Variants in NME7 observed in about 807,000 individuals in gnomAD.
NME7 encodes the protein NME/NM23 family member 7.
Under a neutral mutation model 49.1 loss-of-function variants are expected in NME7, and 41 were observed. The observed-to-expected ratio is 0.83, with a 90% CI of 0.65 to 1.08. The LOEUF is 1.08. Ranked by LOEUF, NME7 falls within the 50% of genes least tolerant of loss-of-function variation. NME7 has a pLI of 0.00. For missense variants in NME7, 423 were observed against 463.4 expected (o/e 0.91, Z 0.80); for synonymous variants, 139 against 150.6 (o/e 0.92, Z 0.56).
intron 10 of NME7, among the ~76,000 whole-genome samples, chr1:169,182,305 T>G (rs575934697): frequency 1.3e-5 from 2 of 152,148 alleles, no homozygotes; most frequent in African/African-American, 4.8e-5. Context: ...TGAGCTATAA[T>G]GTGCCTGGCC....
At chr1:169,213,541 T>C (rs76254504) in intron 10 of NME7, among the ~76,000 whole-genome samples, 60 of 152,144 alleles carry the variant, frequency 3.9e-4, no homozygotes, top group African/African-American at 1.4e-3. Flanking sequence ...TGAACATATA[T>C]GAAATAGGCA....
rs549847310 is a variant in NME7 at position 169,266,675 on chromosome 1, T to C, written c.754+20628A>G. The stretch of plus-strand genomic sequence containing the variant: ...AAGTCAACCTATCCCTGTTTGAAGA[T>C]GACATGATTCTATATCTAAAAAACC... On this transcript the variant is annotated intron_variant, in intron 7 of 11. Coordinates refer to ENST00000367811, the MANE Select transcript of NME7 (RefSeq NM_013330.5). Among the ~76,000 whole-genome samples the C allele has an allele frequency of 1.1e-3, 143 of 133,682 alleles. 11 individuals carry two copies. The highest frequency in any genetic ancestry group is 3.5e-3 in the African/African-American group (140 of 39,554). The allele number at this position is 133,682 out of a possible 152,430, so 87.7% of individuals were successfully genotyped here.
intron 7 of NME7, among the ~76,000 whole-genome samples, chr1:169,243,595 A>G (rs1477103627): frequency 1.5e-4 from 23 of 152,218 alleles, no homozygotes; most frequent in Non-Finnish European, 1.5e-5. Context: ...GAATGGCATT[A>G]GTGCCCTTAT....
chr1:169,259,272 A>G (rs1649086620), intron 7 of NME7, among the ~76,000 whole-genome samples: 1 of 132,766 alleles, frequency 7.5e-6, no homozygotes, highest in African/African-American at 2.5e-5. Context: ...TAGGGGAGAC[A>G]CCTACCTGAC....
intron 11 of NME7, among the ~76,000 whole-genome samples, chr1:169,158,016 T>C (rs1240510119): frequency 6.6e-6 from 1 of 152,244 alleles, no homozygotes; most frequent in Non-Finnish European, 1.5e-5. Context: ...CTGTTTACTA[T>C]GTTGATAGGT....
chr1:169,170,206 C>A, intron 10 of NME7, among the ~76,000 whole-genome samples: 2 of 151,922 alleles, frequency 1.3e-5, no homozygotes, highest in East Asian at 1.9e-4. Context: ...GGAGAGGGGG[C>A]TATAGTGATT....
chr1:169,293,786 T>C (rs945923631), intron 6 of NME7, among the ~76,000 whole-genome samples: 4 of 152,162 alleles, frequency 2.6e-5, no homozygotes, highest in African/African-American at 9.7e-5. Flanking sequence ...ACTGATATCT[T>C]CAGGATACTG....
chr1:169,318,075 C>G (rs761615225), intron 3 of NME7, among the ~76,000 whole-genome samples: 8 of 152,164 alleles, frequency 5.3e-5, no homozygotes, highest in Admixed American at 3.3e-4. Context: ...TGCTCTCTCT[C>G]CTGTGCTCCA....
rs1484017177 is a variant in NME7 at position 169,159,236 on chromosome 1, T to A, written c.1098+10211A>T. ...ATGCCTGGAAAAAAGAAGTGATAAC[T>A]CGAGTTCTGACAACCATTCTGTGGC... On this transcript the variant is annotated intron_variant, in intron 11 of 11. Transcript: ENST00000367811. 2.0e-5 allele frequency among the ~76,000 whole-genome samples: 3 copies of A among 152,014 alleles called. 1 individual carries two copies. Among genetic ancestry groups the A allele is most frequent in the Non-Finnish European group, 4.4e-5 (3 of 68,010 alleles).
intron 11 of NME7, among the ~76,000 whole-genome samples, chr1:169,138,585 G>A (rs944928672): frequency 6.6e-6 from 1 of 151,826 alleles, no homozygotes; most frequent in Non-Finnish European, 1.5e-5. Context: ...TGGGTGTGGT[G>A]GTGCACACCT....
intron 3 of NME7, among the ~76,000 whole-genome samples, chr1:169,313,270 G>T (rs1415536410): frequency 1.3e-5 from 2 of 149,594 alleles, no homozygotes; most frequent in Admixed American, 1.3e-4. Flanking sequence ...TGACTTGACA[G>T]CATTGCCTAT....
intron 10 of NME7, among the ~76,000 whole-genome samples, chr1:169,216,275 T>A (rs1193417145): frequency 1.3e-5 from 2 of 152,230 alleles, no homozygotes; most frequent in African/African-American, 4.8e-5. Flanking sequence ...GAAGGGACTT[T>A]CAGCTCTACT....
At chr1:169,205,929 T>C (rs748683723) in intron 10 of NME7, among the ~76,000 whole-genome samples, 3 of 152,146 alleles carry the variant, frequency 2.0e-5, no homozygotes, top group African/African-American at 4.8e-5. Context: ...TCTTCCAATA[T>C]ACTAAGCATA....
intron 1 of NME7, among the ~76,000 whole-genome samples, chr1:169,350,985 T>C (rs772306522): frequency 7.9e-5 from 12 of 151,852 alleles, no homozygotes; most frequent in Non-Finnish European, 1.5e-4. Context: ...TTTTTCTTTC[T>C]TTTTTTTCTT....
intron 11 of NME7, among the ~76,000 whole-genome samples, chr1:169,135,161 G>A (rs1022283676): frequency 4.6e-5 from 7 of 151,610 alleles, no homozygotes; most frequent in Non-Finnish European, 1.0e-4. Flanking sequence ...GCAACAGAGT[G>A]AGACCCTGTC....
chr1:169,358,212 T>C (rs1557839024), intron 1 of NME7, among the ~76,000 whole-genome samples: 2 of 151,812 alleles, frequency 1.3e-5, no homozygotes, highest in African/African-American at 4.8e-5. Context: ...GGCAGCAATC[T>C]GGTTAATATG....
chr1:169,139,385 G>T (rs1658526552), intron 11 of NME7, among the ~76,000 whole-genome samples: 3 of 152,274 alleles, frequency 2.0e-5, no homozygotes, highest in African/African-American at 7.2e-5. Flanking sequence ...TTTGCCTAAA[G>T]ACATATCACT....
chr1:169,222,625 G>A (rs182428724), intron 10 of NME7, among the ~76,000 whole-genome samples: 4 of 152,242 alleles, frequency 2.6e-5, no homozygotes, highest in Non-Finnish European at 5.9e-5. Context: ...GGAACCCCGG[G>A]CTGAGACCTC....
intron 2 of NME7, 72 bp downstream of exon 2, chr1:169,324,321 A>C (rs1358929395): frequency 2.8e-5 from 25 of 886,634 alleles, no homozygotes; most frequent in Non-Finnish European, 4.2e-5. Flanking sequence ...TTTAAAAAGC[A>C]ATTATATAAA....
Sources: allele counts gnomAD v4.1 joint callset (sites outside exome capture counted in the v4.1 genomes callset), GRCh38; gene constraint gnomAD v4.1.1; transcripts MANE v1.5; gene names NCBI Gene and HGNC (gene_info 2026-07-23, HGNC 2026-07-21).